STK24: variants seen among roughly 807,000 people sequenced by gnomAD.
The protein encoded by STK24 is serine/threonine-protein kinase 24.
A neutral mutation model predicts 55.6 loss-of-function variants in STK24; 21 were observed. The observed-to-expected ratio is 0.38, with a 90% CI of 0.27 to 0.54. STK24 has a LOEUF of 0.54. Ranked by LOEUF, STK24 falls within the 20% of genes least tolerant of loss-of-function variation. STK24 has a pLI of 0.79. For missense variants in STK24, 383 were observed against 538.4 expected, an observed-to-expected ratio of 0.71 and a Z score of 2.86; for synonymous variants, 200 against 215.2, an observed-to-expected ratio of 0.93 and a Z score of 0.62.
chr13:98,574,968 T>C (rs1472869816), intron 1 of STK24, among the ~76,000 whole-genome samples: 1 of 152,186 alleles, frequency 6.6e-6, no homozygotes, highest in Non-Finnish European at 1.5e-5. Flanking sequence ...ACTGATTCGC[T>C]ATCCACAAAG....
intron 9 of STK24, among the ~76,000 whole-genome samples, chr13:98,458,665 C>G (rs541316756): frequency 6.6e-6 from 1 of 152,200 alleles, no homozygotes; most frequent in African/African-American, 2.4e-5. Context: ...GCCCATGCCC[C>G]GCCCCTAAGT....
At chr13:98,454,050 G>A (rs1206643821) in intron 10 of STK24, 1 of 152,174 alleles carries the variant, frequency 6.6e-6, no homozygotes, top group African/African-American at 2.4e-5. Flanking sequence ...TATTCAGCCT[G>A]TATATGTGCA....
chr13:98,470,774 T>C (rs745335347), intron 5 of STK24, among the ~76,000 whole-genome samples: 16 of 152,200 alleles, frequency 1.1e-4, no homozygotes, highest in Non-Finnish European at 2.4e-4. Context: ...TAAAGTACGC[T>C]AGCTACACAT....
Position 98,447,169 on chromosome 13 carries a change from G to A in STK24, c.*6004C>T, listed in dbSNP as rs1419616838. ...GACTTCATTTAGCCAAGAAAGAAAT[G>A]CAACAGTCAGGCCTAAGACTGTTCC... On this transcript the variant is annotated 3_prime_UTR_variant, in exon 11 of 11. Coordinates refer to ENST00000539966, the MANE Select transcript of STK24 (RefSeq NM_001032296.4). 3 of 208,766 alleles carry A rather than the reference G, an allele frequency of 1.4e-5. No individual in the cohort carries two copies. Among genetic ancestry groups the A allele is most frequent in the South Asian group, 8.8e-5 (1 of 11,312 alleles). The allele number at this position is 208,766 out of a possible 1,614,324, so 12.9% of individuals were successfully genotyped here.
intron 1 of STK24, among the ~76,000 whole-genome samples, chr13:98,535,360 AC>A (rs1203400575): frequency 0.26 from 10,797 of 42,104 alleles, 537 homozygotes; most frequent in South Asian, 0.3. Context: ...AAACAAACAA[AC>A]AAAAAAAAAA....
chr13:98,447,101 G>C lies in STK24; in HGVS notation c.*6072C>G. On this transcript the variant is annotated 3_prime_UTR_variant, in exon 11 of 11. Transcript: ENST00000539966. Reference sequence around the variant, plus strand: ...AACGTGTCCGGGATGATGAAGCTAAGCCCCAGTGAGACTGCCTACATGGTG... The same window carrying C: ...AACGTGTCCGGGATGATGAAGCTAACCCCCAGTGAGACTGCCTACATGGTG... 8.2e-6 allele frequency: 3 copies of C among 364,656 alleles called. No individual in the cohort carries two copies. Among genetic ancestry groups the C allele is most frequent in the South Asian group, 7.1e-5 (2 of 28,252 alleles). The allele number at this position is 364,656 out of a possible 1,614,324, so 22.6% of individuals were successfully genotyped here.
intron 2 of STK24, among the ~76,000 whole-genome samples, chr13:98,485,199 A>T (rs1156582313): frequency 2.0e-5 from 3 of 152,180 alleles, no homozygotes; most frequent in African/African-American, 4.8e-5. Context: ...AGAGTAATTC[A>T]CGCAGAGCCA....
intron 2 of STK24, among the ~76,000 whole-genome samples, chr13:98,515,101 GA>G (rs5806066): frequency 0.54 from 69,036 of 128,304 alleles, 16,674 homozygotes; most frequent in Non-Finnish European, 0.59. Flanking sequence ...CAAACCCCCT[GA>G]AAAAAAAAAA....
chr13:98,549,499 T>A (rs972118872), intron 1 of STK24, among the ~76,000 whole-genome samples: 1 of 152,062 alleles, frequency 6.6e-6, no homozygotes, highest in African/African-American at 2.4e-5. Flanking sequence ...ATCATGGGGG[T>A]GGATCCCTCG....
intron 2 of STK24, among the ~76,000 whole-genome samples, chr13:98,496,801 G>C (rs905191234): frequency 6.6e-6 from 1 of 152,156 alleles, no homozygotes; most frequent in South Asian, 2.1e-4. Flanking sequence ...GCCAACAAAT[G>C]GTGAAAACAG....
At chr13:98,457,421 G>T in intron 9 of STK24, 117 bp from the exon 10 acceptor site, 2 of 1,435,280 alleles carry the variant, frequency 1.4e-6, no homozygotes, top group Non-Finnish European at 1.9e-6. Context: ...GCCCCAGGGT[G>T]TCCGGGAAAA....
At chr13:98,464,470 A>C (rs1346593378) in intron 6 of STK24, among the ~76,000 whole-genome samples, 2 of 151,382 alleles carry the variant, frequency 1.3e-5, no homozygotes, top group East Asian at 3.9e-4. Context: ...AAATGCTGAC[A>C]AAATATATGT....
chr13:98,564,613 G>C (rs1897518637), intron 1 of STK24, among the ~76,000 whole-genome samples: 1 of 152,218 alleles, frequency 6.6e-6, no homozygotes, highest in East Asian at 1.9e-4. Flanking sequence ...GTCAGGAGCA[G>C]CAGGCAATAC....
Position 98,528,623 on chromosome 13 carries a change from T to C in STK24, c.43-9150A>G, listed in dbSNP as rs551822909. Among the ~76,000 whole-genome samples, 270 of 152,314 alleles carry C rather than the reference T, an allele frequency of 1.8e-3. 2 individuals are homozygous for C. The highest frequency in any genetic ancestry group is 0.017 in the Middle Eastern group (5 of 294). On this transcript the variant is annotated intron_variant, in intron 1 of 10. Coordinates refer to ENST00000539966, the MANE Select transcript of STK24 (RefSeq NM_001032296.4). ...TTCTTTAAAATTGTTCTATGATGACTGAAGTATTTTATATTTTTAAACCTG... is the reference window on the plus strand; with the variant it reads ...TTCTTTAAAATTGTTCTATGATGACCGAAGTATTTTATATTTTTAAACCTG...
intron 5 of STK24, among the ~76,000 whole-genome samples, chr13:98,471,089 T>C (rs1336894362): frequency 6.6e-6 from 1 of 152,232 alleles, no homozygotes; most frequent in Non-Finnish European, 1.5e-5. Context: ...CATTCTTCCC[T>C]GGCCCTCAGG....
chr13:98,513,346 G>A (rs539400213), intron 2 of STK24, among the ~76,000 whole-genome samples: 2 of 152,170 alleles, frequency 1.3e-5, no homozygotes, highest in East Asian at 1.9e-4. Flanking sequence ...TTCATTCCAC[G>A]CAGCAGTTTT....
chr13:98,540,328 C>A (rs1369846599), intron 1 of STK24, among the ~76,000 whole-genome samples: 1 of 152,100 alleles, frequency 6.6e-6, no homozygotes, highest in Non-Finnish European at 1.5e-5. Context: ...GCATTTTACA[C>A]CTGAAATGAA....
chr13:98,492,076 C>CGTGCGTGTGT (rs1170576833), intron 2 of STK24, among the ~76,000 whole-genome samples: 4 of 149,638 alleles, frequency 2.7e-5, no homozygotes, highest in African/African-American at 9.9e-5. Context: ...AGTGCGTGCG[C>CGTGCGTGTGT]GTGTGTGTGT....
chr13:98,514,064 T>C (rs766831274), intron 2 of STK24, among the ~76,000 whole-genome samples: 4 of 152,260 alleles, frequency 2.6e-5, no homozygotes, highest in African/African-American at 7.2e-5. Context: ...CTCTGCAATG[T>C]GAAGTTATCA....
Sources: gnomAD v4.1 joint callset for allele counts (sites outside exome capture counted in the v4.1 genomes callset) on GRCh38, gnomAD v4.1.1 for gene constraint, MANE v1.5 for transcripts, NCBI Gene and HGNC (gene_info 2026-07-23, HGNC 2026-07-21) for gene names.